Variants in CAMTA1 observed in about 807,000 individuals in gnomAD.
The protein encoded by CAMTA1 is calmodulin-binding transcription activator 1.
CAMTA1 carries 27 observed loss-of-function variants against 170.9 expected under a neutral mutation model. The observed-to-expected ratio is 0.16, with a 90% confidence interval of 0.12 to 0.22. CAMTA1 has a LOEUF of 0.22. Ranked by LOEUF, CAMTA1 falls within the 10% of genes least tolerant of loss-of-function variation. CAMTA1 has a pLI of 1.00. For missense variants in CAMTA1, 1,619 were observed against 2,217.2 expected, an observed-to-expected ratio of 0.73 and a Z score of 5.42; for synonymous variants, 833 against 891.5, an observed-to-expected ratio of 0.93 and a Z score of 1.17.
At chr1:7,204,697 C>T (rs1657344391) in intron 4 of CAMTA1, among the ~76,000 whole-genome samples, 1 of 151,276 alleles carries the variant, frequency 6.6e-6, no homozygotes, top group Non-Finnish European at 1.5e-5. Flanking sequence ...AGATCTTCTG[C>T]CTTCTTGCCA....
At chr1:7,289,034 C>G (rs115165684) in intron 5 of CAMTA1, among the ~76,000 whole-genome samples, 2,407 of 152,108 alleles carry the variant, frequency 0.016, 28 homozygotes, top group Non-Finnish European at 0.027. Flanking sequence ...TGGTGTAAGG[C>G]AAAAAGGAAT....
rs183933393 is a variant in CAMTA1 at position 7,640,878 on chromosome 1, G to T, written c.664+325G>T. 1.4e-4 allele frequency among the ~76,000 whole-genome samples: 22 copies of T among 152,300 alleles called. No homozygotes were observed. In the East Asian group the frequency reaches 4.3e-3, roughly 30 times the overall value. On this transcript the variant is annotated intron_variant, in intron 7 of 22. Coordinates refer to ENST00000303635, the MANE Select transcript of CAMTA1 (RefSeq NM_015215.4). Reference sequence around the variant, plus strand: ...TCCGGGGCCACAGACAGGAGTGGAGGCCGGCTGGGGAGGGAAAGTATGGAA... The same window carrying T: ...TCCGGGGCCACAGACAGGAGTGGAGTCCGGCTGGGGAGGGAAAGTATGGAA...
rs1310310281 is a variant in CAMTA1, at chr1:7,322,362, G to A, written c.438+72736G>A. ...GAGGTCAGTGAACATTTTCTCAAAG[G>A]GAGAGATGGTAAATGTTTTAGGCTT... On this transcript the variant is annotated intron_variant, in intron 5 of 22. Coordinates refer to ENST00000303635, the MANE Select transcript of CAMTA1 (RefSeq NM_015215.4). Among the ~76,000 whole-genome samples, 5 of 152,336 alleles carry A rather than the reference G, an allele frequency of 3.3e-5. No individual in the cohort carries two copies. The East Asian group carries it at 9.6e-4, about 29-fold the overall frequency.
chr1:7,317,685 G>A (rs1677732173), intron 5 of CAMTA1, among the ~76,000 whole-genome samples: 1 of 152,228 alleles, frequency 6.6e-6, no homozygotes, highest in African/African-American at 2.4e-5. Flanking sequence ...ACACGCAGGT[G>A]TCCTGTCTGA....
intron 6 of CAMTA1, among the ~76,000 whole-genome samples, chr1:7,593,050 A>G (rs2095367160): frequency 6.6e-6 from 1 of 152,178 alleles, no homozygotes. Flanking sequence ...CCATTATGCC[A>G]TCCTGCCATC....
intron 7 of CAMTA1, among the ~76,000 whole-genome samples, chr1:7,649,019 G>T (rs529387524): frequency 1.3e-5 from 2 of 152,238 alleles, no homozygotes; most frequent in African/African-American, 4.8e-5. Context: ...GCTTAGTGTA[G>T]CCACACTCCC....
intron 3 of CAMTA1, among the ~76,000 whole-genome samples, chr1:6,916,205 C>T (rs980970268): frequency 2.6e-5 from 4 of 152,144 alleles, no homozygotes; most frequent in Non-Finnish European, 5.9e-5. Flanking sequence ...ACCTCCGGGT[C>T]TCACCCTGCC....
chr1:6,932,000 C>T (rs1684500249), intron 3 of CAMTA1, among the ~76,000 whole-genome samples: 1 of 152,186 alleles, frequency 6.6e-6, no homozygotes, highest in South Asian at 2.1e-4. Flanking sequence ...CAGGGAACAC[C>T]ATTCACATTG....
In CAMTA1 at chr1:7,575,472, C is replaced by A. The variant is rs567049149; in HGVS notation, c.511-64928C>A. 2.0e-5 allele frequency among the ~76,000 whole-genome samples: 3 copies of A among 152,276 alleles called. No homozygotes were observed. The East Asian group carries it at 5.8e-4, about 29-fold the overall frequency. On this transcript the variant is annotated intron_variant, in intron 6 of 22. Transcript: ENST00000303635. ...GAATCCAGTTTACAGAACATGGAAC[C>A]AGAGTTTGCAGATGGCCTGTCATGT...
intron 4 of CAMTA1, among the ~76,000 whole-genome samples, chr1:7,157,082 G>T (rs11120864): frequency 1.3e-5 from 2 of 151,744 alleles, no homozygotes; most frequent in Non-Finnish European, 2.9e-5. Context: ...GGTGACTCAC[G>T]CCTGTAATCC....
chr1:6,807,169 G>T, intron 1 of CAMTA1: 1 of 449,150 alleles, frequency 2.2e-6, no homozygotes, highest in South Asian at 5.1e-5. Context: ...AGGAAAATGG[G>T]AATTAATTGT....
chr1:7,391,563 G>A (rs1051476816), intron 5 of CAMTA1, among the ~76,000 whole-genome samples: 5 of 152,152 alleles, frequency 3.3e-5, no homozygotes, highest in African/African-American at 1.2e-4. Context: ...TTTGGCAAAT[G>A]TATGTGGTTT....
intron 11 of CAMTA1, among the ~76,000 whole-genome samples, chr1:7,695,222 CTGGAACT>C (rs1558146969): frequency 6.6e-6 from 1 of 152,134 alleles, no homozygotes; most frequent in Non-Finnish European, 1.5e-5. Flanking sequence ...CCCCAGCACT[CTGGAACT>C]TGGAAATGAC....
intron 6 of CAMTA1, among the ~76,000 whole-genome samples, chr1:7,477,531 G>A (rs1235369637): frequency 6.6e-6 from 1 of 152,170 alleles, no homozygotes; most frequent in African/African-American, 2.4e-5. Flanking sequence ...AGACATCTTT[G>A]CCTGATTGCA....
At chr1:7,127,988 T>A (rs1645030417) in intron 4 of CAMTA1, among the ~76,000 whole-genome samples, 1 of 152,220 alleles carries the variant, frequency 6.6e-6, no homozygotes, top group Admixed American at 6.5e-5. Context: ...CCATGCCGTT[T>A]ATGCCGAGCA....
chr1:6,936,715 G>A (rs993982737), intron 3 of CAMTA1, among the ~76,000 whole-genome samples: 10 of 152,136 alleles, frequency 6.6e-5, no homozygotes, highest in Admixed American at 2.6e-4. Flanking sequence ...AGGGTGGGGC[G>A]TGGTGACTCA....
At chr1:7,079,869 T>C (rs535231255) in intron 3 of CAMTA1, among the ~76,000 whole-genome samples, 21 of 152,310 alleles carry the variant, frequency 1.4e-4, no homozygotes, top group Non-Finnish European at 2.6e-4. Context: ...TCATGCAAGC[T>C]AGAAGACAAT....
chr1:7,428,316 G>A (rs1251379041), intron 5 of CAMTA1, among the ~76,000 whole-genome samples: 3 of 152,082 alleles, frequency 2.0e-5, no homozygotes, highest in Non-Finnish European at 4.4e-5. Flanking sequence ...CCAGTGCCCA[G>A]GGTGTAGGAG....
intron 11 of CAMTA1, among the ~76,000 whole-genome samples, chr1:7,702,313 G>A (rs2096450154): frequency 6.6e-6 from 1 of 152,146 alleles, no homozygotes; most frequent in South Asian, 2.1e-4. Context: ...GGATGCCAGG[G>A]CTGAAACTTG....
Sources: gnomAD v4.1 joint callset for allele counts (sites outside exome capture counted in the v4.1 genomes callset) on GRCh38, gnomAD v4.1.1 for gene constraint, MANE v1.5 for transcripts, NCBI Gene and HGNC (gene_info 2026-07-23, HGNC 2026-07-21) for gene names.